Variants in SMG6 observed in about 807,000 individuals in gnomAD.
The protein encoded by SMG6 is SMG6 nonsense mediated mRNA decay factor, also known as telomerase-binding protein EST1A.
A neutral mutation model predicts 142.2 loss-of-function variants in SMG6; 66 were observed. The observed-to-expected ratio is 0.46, with a 90% confidence interval of 0.38 to 0.57. The LOEUF is 0.57. Among genes scored for constraint, SMG6 ranks in the 20% least tolerant of loss-of-function variants. The pLI, the probability that SMG6 is intolerant of heterozygous loss-of-function variation, is 0.00. For missense variants in SMG6, 1,793 were observed against 1,832.0 expected (o/e 0.98, Z 0.39); for synonymous variants, 779 against 702.4 (o/e 1.11, Z -1.72).
chr17:2,113,210 A>G (rs2069393418), intron 13 of SMG6, among the ~76,000 whole-genome samples: 1 of 151,774 alleles, frequency 6.6e-6, no homozygotes, highest in African/African-American at 2.4e-5. Flanking sequence ...GTGAACAGCT[A>G]GCATTGCAGG....
In SMG6 at chr17:2,297,269, T is replaced by C. The variant is rs1192593014; in HGVS notation, c.2125A>G (p.Ile709Val). The change falls in exon 4 of 19, where the codon ATT becomes GTT. Residue 709 changes from isoleucine to valine, a missense_variant. By Grantham distance (29) the Ile-to-Val change is conservative. Transcript: ENST00000263073. ...KLEDYMDGLA[I>V]RSKPLRKTVK... Reference sequence around the variant, plus strand: ...GTCTTGCGTAATGGCTTGCTGCGAATGGCAAGACCATCCATGTAGTCTTCC... The same window carrying C: ...GTCTTGCGTAATGGCTTGCTGCGAACGGCAAGACCATCCATGTAGTCTTCC... 1 of 1,609,872 alleles carries C rather than the reference T, an allele frequency of 6.2e-7. No individual in the cohort carries two copies. The highest frequency in any genetic ancestry group is 1.7e-5 in the Admixed American group (1 of 58,906).
At chr17:2,266,104 G>A (rs933805424) in intron 8 of SMG6, 24 of 985,054 alleles carry the variant, frequency 2.4e-5, no homozygotes, top group East Asian at 1.1e-4. Flanking sequence ...TTCACCATGC[G>A]TGCCACTCAA....
At chr17:2,090,402 C>CT (rs2068686039) in intron 13 of SMG6, among the ~76,000 whole-genome samples, 1 of 151,982 alleles carries the variant, frequency 6.6e-6, no homozygotes, top group African/African-American at 2.4e-5. Flanking sequence ...CTCATGTGCT[C>CT]TGAGTTGCAA....
chr17:2,260,789 G>C (rs1436778838), intron 8 of SMG6, among the ~76,000 whole-genome samples: 1 of 151,540 alleles, frequency 6.6e-6, no homozygotes, highest in East Asian at 1.9e-4. Flanking sequence ...GAGGTCAGGA[G>C]TTTGAGACCA....
chr17:2,187,164 C>T (rs540590747), intron 11 of SMG6, among the ~76,000 whole-genome samples: 6 of 152,300 alleles, frequency 3.9e-5, no homozygotes, highest in African/African-American at 1.4e-4. Context: ...ACTGCATGAC[C>T]TGAATTTAAT....
chr17:2,082,505 C>G (rs1339497854), intron 14 of SMG6, among the ~76,000 whole-genome samples: 1 of 152,206 alleles, frequency 6.6e-6, no homozygotes, highest in Non-Finnish European at 1.5e-5. Flanking sequence ...AAGACTCCAG[C>G]CTGGTGGTGT....
At chr17:2,185,453 T>C (rs192175964) in intron 12 of SMG6, among the ~76,000 whole-genome samples, 109 of 151,972 alleles carry the variant, frequency 7.2e-4, no homozygotes, top group African/African-American at 2.5e-3. Flanking sequence ...TCACCGAACT[T>C]AGAAATAGTT....
At chr17:2,225,060 A>C (rs2073277168) in intron 10 of SMG6, among the ~76,000 whole-genome samples, 1 of 152,256 alleles carries the variant, frequency 6.6e-6, no homozygotes, top group South Asian at 2.1e-4. Flanking sequence ...AAAAATGAAG[A>C]ATATTTGCCT....
At chr17:2,242,444 G>A (rs1443853479) in intron 9 of SMG6, among the ~76,000 whole-genome samples, 3 of 148,728 alleles carry the variant, frequency 2.0e-5, no homozygotes, top group African/African-American at 7.7e-5. Context: ...GCAGAAGAAT[G>A]GCATGAACCC....
intron 13 of SMG6, among the ~76,000 whole-genome samples, chr17:2,091,706 T>C (rs1342554213): frequency 1.3e-5 from 2 of 151,108 alleles, no homozygotes; most frequent in East Asian, 3.9e-4. Flanking sequence ...AGTCTCGCTC[T>C]GTTGCCCAGG....
intron 10 of SMG6, chr17:2,232,933 C>T (rs540112203): frequency 1.3e-5 from 2 of 152,238 alleles, no homozygotes; most frequent in Non-Finnish European, 2.9e-5. Context: ...CTTTTCCTTT[C>T]ATTTTGCCTT....
chr17:2,179,817 C>T (rs936759465), intron 12 of SMG6, among the ~76,000 whole-genome samples: 6 of 152,122 alleles, frequency 3.9e-5, no homozygotes, highest in Non-Finnish European at 7.3e-5. Flanking sequence ...TATCCTCATT[C>T]GGGGTCAGCG....
rs374939807 is a variant in SMG6, at chr17:2,261,362, A to G, written c.2662-16643T>C. ...GAATGACAGCGATACAAGTAAATAA[A>G]CTGCTGGTTATACAAGTATGCTTAC... On this transcript the variant is annotated intron_variant, in intron 8 of 18. Coordinates refer to ENST00000263073, the MANE Select transcript of SMG6 (RefSeq NM_017575.5). Among the ~76,000 whole-genome samples, 169 of 152,192 alleles carry G rather than the reference A, an allele frequency of 1.1e-3. 1 individual carries two copies. Among genetic ancestry groups the G allele is most frequent in the African/African-American group, 3.7e-3 (153 of 41,518 alleles).
At chr17:2,073,380 A>G (rs1360093493) in intron 15 of SMG6, among the ~76,000 whole-genome samples, 1 of 151,342 alleles carries the variant, frequency 6.6e-6, no homozygotes, top group Non-Finnish European at 1.5e-5. Context: ...CACTGTGCCC[A>G]GCGTTTTTTT....
intron 4 of SMG6, among the ~76,000 whole-genome samples, chr17:2,295,836 T>C (rs2075131958): frequency 6.6e-6 from 1 of 152,158 alleles, no homozygotes; most frequent in Admixed American, 6.6e-5. Context: ...ACCAATCTCT[T>C]TCCTTTGCAG....
At chr17:2,155,829 A>G (rs1444997646) in intron 13 of SMG6, among the ~76,000 whole-genome samples, 1 of 152,224 alleles carries the variant, frequency 6.6e-6, no homozygotes, top group African/African-American at 2.4e-5. Flanking sequence ...GTCTACCTCT[A>G]TAAGCAAAAG....
chr17:2,110,623 C>T (rs746340608), intron 13 of SMG6, among the ~76,000 whole-genome samples: 9 of 152,106 alleles, frequency 5.9e-5, no homozygotes, highest in East Asian at 1.9e-4. Context: ...GGAAAGCAGA[C>T]GGAAGAAAGA....
chr17:2,124,496 G>GT (rs1283702514), intron 13 of SMG6, among the ~76,000 whole-genome samples: 2 of 152,172 alleles, frequency 1.3e-5, no homozygotes, highest in African/African-American at 4.8e-5. Context: ...GCAGAGAGTC[G>GT]TAACAGAGTG....
rs1185559981 is a variant in SMG6, at chr17:2,071,854, C to T, written c.3682-2923G>A. 1.3e-5 allele frequency: 2 copies of T among 152,014 alleles called. No homozygotes were observed. Among genetic ancestry groups the T allele is most frequent in the East Asian group, 3.9e-4 (2 of 5,166 alleles). The allele number at this position is 152,014 out of a possible 1,614,324, so 9.4% of individuals were successfully genotyped here. ...CTTCTACGGGTGTCTGCATTTCCGG[C>T]CCTTTCTGAGTGGCGCTGTGTGTGT... On this transcript the variant is annotated intron_variant, in intron 15 of 18. Transcript: ENST00000263073. The surrounding 1 kb of genome is among the most constrained non-coding windows in gnomAD (Gnocchi z 5.6).
Sources: allele counts gnomAD v4.1 joint callset (sites outside exome capture counted in the v4.1 genomes callset), GRCh38; gene constraint gnomAD v4.1.1; non-coding constraint Gnocchi (gnomAD v3.1); transcripts MANE v1.5; gene names NCBI Gene and HGNC (gene_info 2026-07-23, HGNC 2026-07-21).